The following HECW2 variants were observed in gnomAD, a reference collection of about 807,000 sequenced individuals.
The protein encoded by HECW2 is HECT, C2 and WW domain containing E3 ubiquitin protein ligase 2, also known as E3 ubiquitin-protein ligase HECW2.
A neutral mutation model predicts 175.2 loss-of-function variants in HECW2; 61 were observed. That is an observed-to-expected ratio of 0.35 (90% confidence interval 0.28 to 0.43). The LOEUF is 0.43. Among genes scored for constraint, HECW2 ranks in the 20% least tolerant of loss-of-function variants. The pLI is 1.00. For synonymous variants in HECW2, 671 were observed against 731.0 expected (o/e 0.92, Z 1.32); for missense variants, 1,524 against 2,000.5 (o/e 0.76, Z 4.54).
chr2:196,396,186 A>G (rs1050048440), intron 2 of HECW2, among the ~76,000 whole-genome samples: 1 of 152,206 alleles, frequency 6.6e-6, no homozygotes, highest in Non-Finnish European at 1.5e-5. Context: ...AGAGACAGAA[A>G]GTAGAATGAT....
intron 1 of HECW2, among the ~76,000 whole-genome samples, chr2:196,586,338 C>T (rs1575701086): frequency 6.6e-6 from 1 of 152,310 alleles, no homozygotes; most frequent in East Asian, 1.9e-4. Context: ...CTTGATATAA[C>T]ACAAATCATT....
chr2:196,575,461 C>G (rs1027031108), intron 1 of HECW2, among the ~76,000 whole-genome samples: 1 of 152,084 alleles, frequency 6.6e-6, no homozygotes, highest in Admixed American at 6.6e-5. Flanking sequence ...ATCCGCACTC[C>G]CATGTTCAAA....
chr2:196,342,002 T>C (rs1692769445), intron 3 of HECW2, among the ~76,000 whole-genome samples: 1 of 152,216 alleles, frequency 6.6e-6, no homozygotes. Context: ...TAAGTACTAG[T>C]ACCCACACAT....
At chr2:196,275,822 T>A (rs182001405) in intron 15 of HECW2, among the ~76,000 whole-genome samples, 17 of 152,302 alleles carry the variant, frequency 1.1e-4, no homozygotes, top group African/African-American at 4.1e-4. Flanking sequence ...CTATGTTTCT[T>A]CATTGTAGCA....
intron 19 of HECW2, among the ~76,000 whole-genome samples, chr2:196,246,410 G>A (rs1374266778): frequency 6.6e-6 from 1 of 152,074 alleles, no homozygotes; most frequent in Non-Finnish European, 1.5e-5. Flanking sequence ...TCTTTAGACG[G>A]AGTCTCACTC....
At chr2:196,459,300 G>T (rs997304553) in intron 1 of HECW2, among the ~76,000 whole-genome samples, 1 of 152,078 alleles carries the variant, frequency 6.6e-6, no homozygotes, top group Non-Finnish European at 1.5e-5. Context: ...AAATACAGAA[G>T]TGGGCTTAGA....
At chr2:196,220,258 T>C (rs2305568) in intron 25 of HECW2, 105 bp from the exon 26 acceptor site, 264,836 of 719,190 alleles carry the variant, frequency 0.37, 52,833 homozygotes, top group African/African-American at 0.63. Context: ...GAATAATATG[T>C]GTGTACCTTG....
intron 16 of HECW2, among the ~76,000 whole-genome samples, chr2:196,271,979 T>C (rs576872750): frequency 3.9e-5 from 6 of 152,144 alleles, no homozygotes; most frequent in African/African-American, 9.7e-5. Flanking sequence ...AATGGCAAGA[T>C]GAGGTCACCA....
At chr2:196,565,710 CAAGTA>C (rs1364774580) in intron 1 of HECW2, among the ~76,000 whole-genome samples, 2 of 152,054 alleles carry the variant, frequency 1.3e-5, no homozygotes, top group South Asian at 2.1e-4. Flanking sequence ...CTGAAATTAA[CAAGTA>C]AAGAAACCAA....
At chr2:196,486,251 T>A (rs1170733016) in intron 1 of HECW2, among the ~76,000 whole-genome samples, 1 of 152,232 alleles carries the variant, frequency 6.6e-6, no homozygotes, top group African/African-American at 2.4e-5. Context: ...AGCGTTTACA[T>A]GGAGTCACAA....
chr2:196,264,082 T>C (rs567944271), intron 17 of HECW2: 7 of 152,370 alleles, frequency 4.6e-5, no homozygotes, highest in East Asian at 1.9e-4. Flanking sequence ...GTTATTAACA[T>C]AGAAGGGATG....
chr2:196,301,448 G>A (rs916585103), intron 13 of HECW2, among the ~76,000 whole-genome samples: 1 of 152,040 alleles, frequency 6.6e-6, no homozygotes, highest in African/African-American at 2.4e-5. Context: ...TTAGGGAATC[G>A]CCACACTGTC....
chr2:196,456,245 A>G (rs1326524069), intron 1 of HECW2, among the ~76,000 whole-genome samples: 2 of 152,214 alleles, frequency 1.3e-5, no homozygotes, highest in African/African-American at 2.4e-5. Context: ...AGATTTCCCA[A>G]GCCTTAACAA....
At chr2:196,552,631 C>T (rs187760613) in intron 1 of HECW2, among the ~76,000 whole-genome samples, 2 of 152,308 alleles carry the variant, frequency 1.3e-5, no homozygotes, top group Admixed American at 1.3e-4. Context: ...CCTTGAGAGG[C>T]CAAAGGAAGT....
At chr2:196,499,367 C>T (rs532534646) in intron 1 of HECW2, among the ~76,000 whole-genome samples, 6 of 151,430 alleles carry the variant, frequency 4.0e-5, no homozygotes, top group African/African-American at 1.5e-4. Context: ...ATTCGTTCTA[C>T]TGGACCTCTG....
At chr2:196,246,337 G>T (rs1688641458) in intron 19 of HECW2, among the ~76,000 whole-genome samples, 1 of 151,974 alleles carries the variant, frequency 6.6e-6, no homozygotes, top group Non-Finnish European at 1.5e-5. Flanking sequence ...ATAAGAGAGA[G>T]AAAAATGAAG....
At chr2:196,255,147 A>ATTTTTTTTTTTTT (rs768416431) in intron 18 of HECW2, among the ~76,000 whole-genome samples, 4 of 95,420 alleles carry the variant, frequency 4.2e-5, no homozygotes, top group East Asian at 3.3e-4. Flanking sequence ...TAATTTTTCT[A>ATTTTTTTTTTTTT]TTTTTTTTTT....
intron 1 of HECW2, among the ~76,000 whole-genome samples, chr2:196,552,915 T>C (rs1421858987): frequency 6.6e-6 from 1 of 152,196 alleles, no homozygotes; most frequent in African/African-American, 2.4e-5. Context: ...CCTCTCAGTA[T>C]AACCCTAGAA....
intron 19 of HECW2, chr2:196,242,732 C>T (rs1688506030): frequency 7.0e-6 from 1 of 143,750 alleles, no homozygotes; most frequent in Non-Finnish European, 1.5e-5. Flanking sequence ...CTCTGTCACC[C>T]AGCAGGCTGG....
Sources: allele counts gnomAD v4.1 joint callset (sites outside exome capture counted in the v4.1 genomes callset), GRCh38; gene constraint gnomAD v4.1.1; transcripts MANE v1.5; gene names NCBI Gene and HGNC (gene_info 2026-07-23, HGNC 2026-07-21).